Variants in TPP2 observed in about 807,000 individuals in gnomAD.
The protein encoded by TPP2 is tripeptidyl peptidase 2.
Under a neutral mutation model 155.9 loss-of-function variants are expected in TPP2, and 34 were observed. The ratio of observed to expected loss-of-function variants is 0.22; its 90% confidence interval spans 0.17 to 0.29. The LOEUF (loss-of-function observed/expected upper bound fraction) is 0.29. Ranked by LOEUF, TPP2 falls within the 10% of genes least tolerant of loss-of-function variation. The pLI, the probability that TPP2 is intolerant of heterozygous loss-of-function variation, is 1.00. For synonymous variants in TPP2, 510 were observed against 529.4 expected, an observed-to-expected ratio of 0.96 and a Z score of 0.50; for missense variants, 1,028 against 1,522.3, an observed-to-expected ratio of 0.68 and a Z score of 5.40.
At position 102,674,368 on chromosome 13, in the gene TPP2, G is replaced by C. The variant is rs956096554; in HGVS notation, c.3457G>C (p.Ala1153Pro). The C allele has an allele frequency of 6.2e-7, 1 of 1,613,936 alleles. No homozygotes were observed. The highest frequency in any genetic ancestry group is 2.2e-5 in the East Asian group (1 of 44,882). The stretch of plus-strand genomic sequence containing the variant: ...GGCAGACCATCTTCTTCACACCCAG[G>C]CTCAAGACGGAGCCATTTCCACTGA... ...ALADHLLHTQ[A>P]QDGAISTDAE... The change falls in exon 28 of 30, where the codon GCT becomes CCT. Residue 1153 changes from alanine to proline, a missense_variant. Physicochemically the swap from Ala to Pro is conservative, Grantham distance 27. Coordinates refer to ENST00000376052, the MANE Select transcript of TPP2 (RefSeq NM_001330588.2).
chr13:102,611,763 T>G (rs563068701), intron 2 of TPP2, among the ~76,000 whole-genome samples: 92 of 152,356 alleles, frequency 6.0e-4, no homozygotes, highest in African/African-American at 2.1e-3. Flanking sequence ...TGTCACAGCT[T>G]TTCTCTTCTG....
chr13:102,642,952 T>C (rs964957075), intron 16 of TPP2, among the ~76,000 whole-genome samples: 2 of 152,246 alleles, frequency 1.3e-5, no homozygotes, highest in African/African-American at 2.4e-5. Context: ...CAGCTTGCTG[T>C]TTCCAGGTGT....
At chr13:102,610,873 A>T (rs1012771101) in intron 2 of TPP2, among the ~76,000 whole-genome samples, 1 of 152,236 alleles carries the variant, frequency 6.6e-6, no homozygotes, top group Non-Finnish European at 1.5e-5. Flanking sequence ...CACCCAGATC[A>T]AGATAAAGAG....
intron 10 of TPP2, 134 bp from the exon 11 acceptor site, chr13:102,633,816 T>C (rs1329673838): frequency 4.0e-6 from 5 of 1,264,010 alleles, no homozygotes; most frequent in Non-Finnish European, 5.4e-6. Flanking sequence ...TAGTAGTATC[T>C]GTGTCACTAT....
intron 25 of TPP2, among the ~76,000 whole-genome samples, chr13:102,660,956 G>A (rs1884170563): frequency 6.6e-6 from 1 of 152,040 alleles, no homozygotes; most frequent in African/African-American, 2.4e-5. Context: ...GAATGAAGTT[G>A]GACCCTTGCC....
intron 7 of TPP2, among the ~76,000 whole-genome samples, 181 bp downstream of exon 7, chr13:102,627,347 G>A (rs529866554): frequency 1.3e-5 from 2 of 151,802 alleles, no homozygotes; most frequent in African/African-American, 2.4e-5. Flanking sequence ...AATATTATTA[G>A]GATTTGGCCT....
At chr13:102,616,077 C>T (rs1297741841) in intron 3 of TPP2, among the ~76,000 whole-genome samples, 1 of 152,090 alleles carries the variant, frequency 6.6e-6, no homozygotes, top group African/African-American at 2.4e-5. Flanking sequence ...GTGCCTTAGC[C>T]TCCCAAGTAG....
rs74620894 is a variant in TPP2, at chr13:102,677,652, G to A, written c.3700-575G>A. ...GATGGAATGTCTTTCCCAGATTTTC[G>A]CACAGATTTCTTGTCATTCAAACTC... is the stretch of plus-strand genomic sequence containing the variant. On this transcript the variant is annotated intron_variant, in intron 29 of 29. Transcript: ENST00000376052. 2.9e-3 allele frequency among the ~76,000 whole-genome samples: 443 copies of A among 152,184 alleles called. 2 individuals are homozygous for A. The highest frequency in any genetic ancestry group is 0.01 in the African/African-American group (417 of 41,504).
intron 28 of TPP2, 87 bp from the exon 29 acceptor site, chr13:102,676,209 T>G: frequency 5.6e-6 from 7 of 1,244,778 alleles, no homozygotes; most frequent in Non-Finnish European, 7.7e-6. Context: ...GCTACACTTC[T>G]GTTAAAGCCT....
At chr13:102,632,796 C>T (rs1595167086) in intron 10 of TPP2, among the ~76,000 whole-genome samples, 2 of 152,184 alleles carry the variant, frequency 1.3e-5, no homozygotes, top group East Asian at 3.8e-4. Flanking sequence ...GATGAACATC[C>T]TTTTAGTCAT....
chr13:102,658,518 G>T (rs1275806754), intron 25 of TPP2, among the ~76,000 whole-genome samples: 2 of 152,168 alleles, frequency 1.3e-5, no homozygotes, highest in African/African-American at 4.8e-5. Context: ...CATGATGCTG[G>T]TCCCCAGTAA....
rs765376552 is a variant in TPP2 at position 102,644,557 on chromosome 13, G to A, written c.2176G>A (p.Gly726Ser). 1.3e-6 allele frequency: 2 copies of A among 1,597,246 alleles called. No homozygotes were observed. Among genetic ancestry groups the A allele is most frequent in the African/African-American group, 2.7e-5 (2 of 74,086 alleles). The change falls in exon 18 of 30, where the codon GGT becomes AGT. Residue 726 changes from glycine to serine, a missense_variant and splice_region_variant. Around this residue, in one of 7 missense-constraint regions of TPP2, gnomAD observed 325 missense variants for 463.7 expected, o/e 0.70. Transcript: ENST00000376052. ...GTLTEAFPVLGGKAIEFCIAR... is the reference protein window; with the variant it reads ...GTLTEAFPVLSGKAIEFCIAR... ...ATATTTTATTTACTTTTATTTGCAG[G>A]GTGGAAAAGCAATTGAATTTTGCAT...
intron 27 of TPP2, among the ~76,000 whole-genome samples, chr13:102,673,049 A>G (rs1216808064): frequency 6.6e-6 from 1 of 152,180 alleles, no homozygotes; most frequent in Non-Finnish European, 1.5e-5. Context: ...CTCCCTGCCC[A>G]CTTTCAAGGT....
chr13:102,602,502 G>A (rs9518792), intron 1 of TPP2, among the ~76,000 whole-genome samples: 13,107 of 152,052 alleles, frequency 0.086, 598 homozygotes, highest in Middle Eastern at 0.12. Flanking sequence ...TAACAGCTGT[G>A]CCTGGGAGGC....
chr13:102,602,231 A>T (rs1279657129), intron 1 of TPP2, among the ~76,000 whole-genome samples: 1 of 152,026 alleles, frequency 6.6e-6, no homozygotes, highest in African/African-American at 2.4e-5. Context: ...TATCAACTTA[A>T]TTTTGTTTCC....
intron 24 of TPP2, among the ~76,000 whole-genome samples, chr13:102,652,418 AT>A (rs1883567165): frequency 8.3e-5 from 1 of 12,038 alleles, no homozygotes; most frequent in Non-Finnish European, 1.5e-4. Flanking sequence ...ATATATATAT[AT>A]ATATATATAT....
chr13:102,613,405 A>AT (rs2139435998), intron 2 of TPP2, among the ~76,000 whole-genome samples: 1 of 152,312 alleles, frequency 6.6e-6, no homozygotes, highest in Admixed American at 6.5e-5. Flanking sequence ...GCTGGTTTTG[A>AT]TGACCACGGT....
rs552430915 is a variant in TPP2 at position 102,644,213 on chromosome 13, T to G, written c.2176-344T>G. Reference sequence around the variant, plus strand: ...TTACAAAGTTGAAGTATCTTTATTGTGTCGTTATACTTGATTATTTTTCTT... The same window carrying G: ...TTACAAAGTTGAAGTATCTTTATTGGGTCGTTATACTTGATTATTTTTCTT... On this transcript the variant is annotated intron_variant, in intron 17 of 29. Transcript: ENST00000376052. 2.0e-5 allele frequency among the ~76,000 whole-genome samples: 3 copies of G among 152,356 alleles called. No homozygotes were observed. The South Asian group carries it at 6.2e-4, about 32-fold the overall frequency.
intron 7 of TPP2, among the ~76,000 whole-genome samples, chr13:102,627,519 G>A (rs991317323): frequency 8.6e-5 from 13 of 151,832 alleles, no homozygotes; most frequent in African/African-American, 2.7e-4. Flanking sequence ...TCATTTTAAC[G>A]TAGGAAAGTA....
Sources: allele counts gnomAD v4.1 joint callset (sites outside exome capture counted in the v4.1 genomes callset), GRCh38; gene constraint gnomAD v4.1.1; regional missense constraint gnomAD v4.1.1; transcripts MANE v1.5; gene names NCBI Gene and HGNC (gene_info 2026-07-23, HGNC 2026-07-21).